HPRT1: variants seen among roughly 807,000 people sequenced by gnomAD.
HPRT1 encodes the protein hypoxanthine phosphoribosyltransferase 1.
Under a neutral mutation model 19.0 loss-of-function variants are expected in HPRT1, and 4 were observed. The observed-to-expected ratio is 0.21, with a 90% CI of 0.10 to 0.48. The LOEUF (loss-of-function observed/expected upper bound fraction) is 0.48, where lower values mean the gene tolerates loss of function less well. Among genes scored for constraint, HPRT1 ranks in the 20% least tolerant of loss-of-function variants. The probability of loss-of-function intolerance (pLI) is 0.98; values close to 1 mark genes in which losing one functional copy is unlikely to be tolerated. For missense variants in HPRT1, 65 were observed against 164.0 expected (o/e 0.40, Z 3.30); for synonymous variants, 53 against 54.9 (o/e 0.97, Z 0.15).
In HPRT1 at chrX:134,475,174, T is replaced by C. The variant is rs749817980; in HGVS notation, c.135-7T>C. 2.5e-6 allele frequency: 3 copies of C among 1,188,914 alleles called. No individual in the cohort carries two copies. The South Asian group carries it at 5.3e-5, about 21-fold the overall frequency. On this transcript the variant is annotated splice_polypyrimidine_tract_variant and splice_region_variant and intron_variant, in intron 2 of 8. Coordinates refer to ENST00000298556, the MANE Select transcript of HPRT1 (RefSeq NM_000194.3). Reference sequence around the variant, plus strand: ...TTTCTATTAAATTCCTGATTTTATTTCTGTAGGACTGAACGTCTTGCTCGA... The same window carrying C: ...TTTCTATTAAATTCCTGATTTTATTCCTGTAGGACTGAACGTCTTGCTCGA...
At chrX:134,484,886 C>G (rs1188251694) in intron 3 of HPRT1, among the ~76,000 whole-genome samples, 3 of 111,342 alleles carry the variant, frequency 2.7e-5, no homozygotes, top group Non-Finnish European at 5.7e-5. Flanking sequence ...GTTTCTCGGG[C>G]TGGCCTTGAA....
intron 1 of HPRT1, among the ~76,000 whole-genome samples, chrX:134,468,340 C>T (rs1026782755): frequency 1.3e-4 from 14 of 109,809 alleles, no homozygotes; most frequent in Non-Finnish European, 1.7e-4. Context: ...GATGGCCGGG[C>T]GGGGTGGCTC....
chrX:134,460,457 A>G, intron 1 of HPRT1, 119 bp downstream of exon 1: 1 of 540,659 alleles, frequency 1.8e-6, no homozygotes, highest in Non-Finnish European at 2.5e-6. Flanking sequence ...GGAACCCCGC[A>G]GGCGGGGGCG....
intron 1 of HPRT1, among the ~76,000 whole-genome samples, chrX:134,469,516 G>A (rs889611606): frequency 4.5e-5 from 5 of 111,792 alleles, no homozygotes; most frequent in African/African-American, 1.6e-4. Flanking sequence ...GCATATCTGG[G>A]ATGAACTCTG....
At chrX:134,473,241 A>T in intron 1 of HPRT1, 118 bp from the exon 2 acceptor site, 1 of 517,459 alleles carries the variant, frequency 1.9e-6, no homozygotes. Flanking sequence ...AACAGTTACT[A>T]ATATCATCTT....
chrX:134,481,709 T>C (rs1378857027), intron 3 of HPRT1, among the ~76,000 whole-genome samples: 1 of 111,984 alleles, frequency 8.9e-6, no homozygotes, highest in East Asian at 2.8e-4. Flanking sequence ...TCTAGTTCTT[T>C]CCCATGGCTT....
intron 1 of HPRT1, among the ~76,000 whole-genome samples, chrX:134,462,374 G>GT (rs2077586703): frequency 9.1e-6 from 1 of 110,410 alleles, no homozygotes; most frequent in African/African-American, 3.3e-5. Flanking sequence ...TAGAGACGAG[G>GT]TTTCACCATG....
intron 1 of HPRT1, among the ~76,000 whole-genome samples, chrX:134,471,308 AT>A (rs1343132136): frequency 9.0e-6 from 1 of 111,129 alleles, no homozygotes; most frequent in Non-Finnish European, 1.9e-5. Context: ...ATTTTGTTGT[AT>A]TTTTTTCTGT....
At chrX:134,469,160 T>C (rs922403452) in intron 1 of HPRT1, among the ~76,000 whole-genome samples, 2 of 111,382 alleles carry the variant, frequency 1.8e-5, no homozygotes, top group Non-Finnish European at 3.8e-5. Context: ...TAGCCAATTA[T>C]GCATTTCTTA....
intron 1 of HPRT1, among the ~76,000 whole-genome samples, chrX:134,466,342 C>T (rs1031962984): frequency 9.3e-6 from 1 of 107,078 alleles, no homozygotes; most frequent in Non-Finnish European, 1.9e-5. Flanking sequence ...CACTTGAACC[C>T]GGGAGTTGGA....
chrX:134,471,991 A>G (rs1463256648), intron 1 of HPRT1, among the ~76,000 whole-genome samples: 1 of 107,416 alleles, frequency 9.3e-6, no homozygotes, highest in East Asian at 2.9e-4. Flanking sequence ...TGTTTTTGAG[A>G]TAGGGTCTTA....
intron 2 of HPRT1, among the ~76,000 whole-genome samples, chrX:134,474,389 A>T (rs1260623150): frequency 9.4e-6 from 1 of 106,860 alleles, no homozygotes; most frequent in Admixed American, 1.0e-4. Flanking sequence ...CTGATGTTAT[A>T]TGAGAGTACC....
At chrX:134,473,033 A>G (rs1304310145) in intron 1 of HPRT1, among the ~76,000 whole-genome samples, 1 of 110,506 alleles carries the variant, frequency 9.0e-6, no homozygotes, top group Non-Finnish European at 1.9e-5. Flanking sequence ...GACTACAGGC[A>G]TGTGTCACCA....
At chrX:134,492,299 A>AT (rs969553227) in intron 5 of HPRT1, among the ~76,000 whole-genome samples, 7 of 109,356 alleles carry the variant, frequency 6.4e-5, no homozygotes, top group East Asian at 2.8e-4. Flanking sequence ...TTCTGATCTT[A>AT]TTTTTTTTGA....
intron 1 of HPRT1, 40 bp from the exon 2 acceptor site, chrX:134,473,319 C>T: frequency 1.3e-6 from 1 of 787,533 alleles, no homozygotes; most frequent in Non-Finnish European, 2.0e-6. Flanking sequence ...TGTTTGTATC[C>T]TGTAATGCTC....
At chrX:134,490,616 G>A (rs1049002727) in intron 5 of HPRT1, among the ~76,000 whole-genome samples, 1 of 106,609 alleles carries the variant, frequency 9.4e-6, no homozygotes, top group African/African-American at 3.4e-5. Flanking sequence ...AAAGTATTTT[G>A]TATCTTAGCA....
In HPRT1 at chrX:134,475,363, G is replaced by T. The variant is rs1255973687; in HGVS notation, c.317G>T (p.Cys106Phe). ...TVDFIRLKSY[C>F]NDQSTGDIKV... Reference sequence around the variant, plus strand: ...GATTTTATCAGACTGAAGAGCTATTGTGTGAGTATATTTAATATATGATTC... The same window carrying T: ...GATTTTATCAGACTGAAGAGCTATTTTGTGAGTATATTTAATATATGATTC... Residue 106 changes from cysteine to phenylalanine, a missense_variant and splice_region_variant, in exon 3 of 9, where the codon TGT becomes TTT. By Grantham distance (205) the Cys-to-Phe change is radical. This residue lies in a region of HPRT1 where 16 missense variants were observed against 16.0 expected (regional missense o/e 1.00). Transcript: ENST00000298556. 1 of 1,111,717 alleles carries T rather than the reference G, an allele frequency of 9.0e-7. No individual in the cohort carries two copies. The highest frequency in any genetic ancestry group is 1.8e-5 in the South Asian group (1 of 54,216). 91.6% of individuals were successfully genotyped at this position (1,111,717 alleles called of 1,213,427 possible).
At chrX:134,489,824 A>G (rs142644925) in intron 4 of HPRT1, among the ~76,000 whole-genome samples, 1 of 111,877 alleles carries the variant, frequency 8.9e-6, no homozygotes, top group Non-Finnish European at 1.9e-5. Context: ...AATTCTTAGA[A>G]TGTTAGAGTC....
chrX:134,474,421 T>TC (rs1491512596), intron 2 of HPRT1, among the ~76,000 whole-genome samples: 1 of 35,794 alleles, frequency 2.8e-5, no homozygotes, highest in Non-Finnish European at 4.3e-5. Context: ...AATTTGTCTC[T>TC]TTTTTTTTTT....
Sources: gnomAD v4.1 joint callset for allele counts (sites outside exome capture counted in the v4.1 genomes callset) on GRCh38, gnomAD v4.1.1 for gene constraint, gnomAD v4.1.1 regional missense constraint, MANE v1.5 for transcripts, NCBI Gene and HGNC (gene_info 2026-07-23, HGNC 2026-07-21) for gene names.